Variants in KHDC1 observed in about 807,000 individuals in gnomAD.
KHDC1 encodes KH domain containing 1.
KHDC1 carries 21 observed loss-of-function variants against 24.7 expected under a neutral mutation model. The observed-to-expected ratio is 0.85, with a 90% CI of 0.60 to 1.23. KHDC1 has a LOEUF of 1.23. KHDC1 is among the 50% of genes most tolerant of loss of function. The probability of loss-of-function intolerance (pLI) is 0.00; values close to 1 mark genes in which losing one functional copy is unlikely to be tolerated. For missense variants in KHDC1, 274 were observed against 298.5 expected (o/e 0.92, Z 0.61); for synonymous variants, 98 against 111.7 (o/e 0.88, Z 0.77).
At chr6:73,286,162 A>G (rs1767515203) in intron 2 of KHDC1, among the ~76,000 whole-genome samples, 1 of 152,122 alleles carries the variant, frequency 6.6e-6, no homozygotes, top group Non-Finnish European at 1.5e-5. Flanking sequence ...ACCATACCAC[A>G]GTGTGTCAGG....
At chr6:73,259,420 C>G (rs1371216308) in intron 2 of KHDC1, among the ~76,000 whole-genome samples, 1 of 151,562 alleles carries the variant, frequency 6.6e-6, no homozygotes, top group Non-Finnish European at 1.5e-5. Flanking sequence ...CCCTAGCTTC[C>G]TGAATAACTA....
chr6:73,295,548 CTT>C (rs1371539618), intron 1 of KHDC1, among the ~76,000 whole-genome samples: 1 of 151,656 alleles, frequency 6.6e-6, no homozygotes, highest in Non-Finnish European at 1.5e-5. Flanking sequence ...GTTGGGGTCT[CTT>C]TAAAAACACA....
intron 2 of KHDC1, among the ~76,000 whole-genome samples, chr6:73,272,916 T>C (rs1211424278): frequency 6.9e-6 from 1 of 145,956 alleles, no homozygotes; most frequent in East Asian, 2.1e-4. Flanking sequence ...TGGAGTGCAA[T>C]GGGGTGATCT....
intron 1 of KHDC1, chr6:73,292,616 C>T: frequency 1.3e-6 from 1 of 759,846 alleles, no homozygotes; most frequent in Non-Finnish European, 2.5e-6. Flanking sequence ...TCACTGGTCT[C>T]TGTTTTCTTC....
At chr6:73,282,143 G>A (rs1363021857) in intron 2 of KHDC1, among the ~76,000 whole-genome samples, 4 of 147,404 alleles carry the variant, frequency 2.7e-5, no homozygotes, top group South Asian at 2.1e-4. Context: ...GCTTGTACTC[G>A]GAAGGCGAAG....
At chr6:73,288,461 A>C (rs903312392) in intron 2 of KHDC1, among the ~76,000 whole-genome samples, 1 of 152,134 alleles carries the variant, frequency 6.6e-6, no homozygotes, top group Non-Finnish European at 1.5e-5. Context: ...TCTCTACTAA[A>C]AATACAAACA....
intron 2 of KHDC1, among the ~76,000 whole-genome samples, chr6:73,252,645 T>A (rs1487988013): frequency 6.6e-6 from 1 of 151,514 alleles, no homozygotes; most frequent in East Asian, 1.9e-4. Flanking sequence ...ACCCCATTTC[T>A]TCAAAAGATA....
At chr6:73,245,325 C>T (rs946444891) in intron 2 of KHDC1, among the ~76,000 whole-genome samples, 1 of 152,004 alleles carries the variant, frequency 6.6e-6, no homozygotes, top group Non-Finnish European at 1.5e-5. Flanking sequence ...GTAGTTTTTC[C>T]TTTGATTTTT....
chr6:73,254,514 A>AT (rs1766845151), intron 2 of KHDC1, among the ~76,000 whole-genome samples: 1 of 147,696 alleles, frequency 6.8e-6, no homozygotes, highest in South Asian at 2.1e-4. Flanking sequence ...AAATAAATAA[A>AT]AGACTACGTA....
intron 2 of KHDC1, among the ~76,000 whole-genome samples, chr6:73,277,988 T>TTCTC (rs70994181): frequency 2.0e-4 from 22 of 111,648 alleles, no homozygotes; most frequent in African/African-American, 7.5e-4. Context: ...TGTAGATGCT[T>TTCTC]TCTCTCTCTC....
At chr6:73,266,414 G>A (rs1459436121) in intron 2 of KHDC1, among the ~76,000 whole-genome samples, 1 of 152,196 alleles carries the variant, frequency 6.6e-6, no homozygotes, top group African/African-American at 2.4e-5. Context: ...GATATATGTT[G>A]TCATTTACTG....
At chr6:73,247,296 G>C (rs1244099172) in intron 2 of KHDC1, among the ~76,000 whole-genome samples, 1 of 152,066 alleles carries the variant, frequency 6.6e-6, no homozygotes, top group Non-Finnish European at 1.5e-5. Flanking sequence ...TTAGAATAGA[G>C]TAGTAGTGGT....
chr6:73,244,804 G>A (rs189420631), intron 2 of KHDC1, among the ~76,000 whole-genome samples: 3 of 152,038 alleles, frequency 2.0e-5, no homozygotes, highest in Admixed American at 6.6e-5. Context: ...GAGGTGGTGC[G>A]CACCTGCAGT....
chr6:73,241,988 A>G (rs1424470485), intron 4 of KHDC1, 67 bp downstream of exon 3: 2 of 1,506,020 alleles, frequency 1.3e-6, no homozygotes, highest in Non-Finnish European at 1.8e-6. Context: ...AGAATCCAAG[A>G]TGCTACACAA....
chr6:73,249,268 G>A (rs963483799), intron 2 of KHDC1, among the ~76,000 whole-genome samples: 3 of 151,880 alleles, frequency 2.0e-5, no homozygotes, highest in Non-Finnish European at 4.4e-5. Context: ...GCGACAGAGT[G>A]AAACCCAGTC....
chr6:73,293,598 G>A (rs1582584939), intron 1 of KHDC1, among the ~76,000 whole-genome samples: 1 of 151,980 alleles, frequency 6.6e-6, no homozygotes, highest in African/African-American at 2.4e-5. Context: ...TGGCCAACAT[G>A]GCAAAACCCC....
chr6:73,285,145 G>A (rs1257401031), intron 2 of KHDC1, among the ~76,000 whole-genome samples: 3 of 152,014 alleles, frequency 2.0e-5, no homozygotes, highest in Non-Finnish European at 2.9e-5. Context: ...CAGCGTGTCT[G>A]TTACTTTGCA....
intron 1 of KHDC1, among the ~76,000 whole-genome samples, chr6:73,295,430 A>C (rs1767739880): frequency 6.6e-6 from 1 of 152,134 alleles, no homozygotes. Flanking sequence ...GGTCGGGCAC[A>C]GTGGCTCACG....
chr6:73,270,805 C>T (rs1419825113), intron 2 of KHDC1, among the ~76,000 whole-genome samples: 1 of 151,860 alleles, frequency 6.6e-6, no homozygotes, highest in Non-Finnish European at 1.5e-5. Context: ...ATTCTCCTGC[C>T]TCAGCCTCCC....
Sources: allele counts gnomAD v4.1 joint callset (sites outside exome capture counted in the v4.1 genomes callset), GRCh38; gene constraint gnomAD v4.1.1; transcripts MANE v1.5; gene names NCBI Gene and HGNC (gene_info 2026-07-23, HGNC 2026-07-21).